KCTD3: variants seen among roughly 807,000 people sequenced by gnomAD.
The protein encoded by KCTD3 is potassium channel tetramerization domain containing 3, also known as BTB/POZ domain-containing protein KCTD3.
In KCTD3, 41 loss-of-function variants were observed where a neutral mutation model predicts 85.8. That is an observed-to-expected ratio of 0.48 (90% confidence interval 0.37 to 0.62). The LOEUF (loss-of-function observed/expected upper bound fraction) is 0.62, where lower values mean the gene tolerates loss of function less well. KCTD3 is among the 20% of genes least tolerant of loss of function. The pLI, the probability that KCTD3 is intolerant of heterozygous loss-of-function variation, is 0.00. For missense variants in KCTD3, 724 were observed against 989.9 expected, an observed-to-expected ratio of 0.73 and a Z score of 3.60; for synonymous variants, 338 against 345.4, an observed-to-expected ratio of 0.98 and a Z score of 0.24.
Position 215,601,873 on chromosome 1 carries a change from G to T in KCTD3, c.940G>T (p.Asp314Tyr). 1.3e-6 allele frequency: 2 copies of T among 1,561,560 alleles called. No individual in the cohort carries two copies. The highest frequency in any genetic ancestry group is 1.8e-6 in the Non-Finnish European group (2 of 1,135,350). Residue 314 changes from aspartate to tyrosine, a missense_variant, in exon 11 of 18, where the codon GAT becomes TAT. Around this residue, in one of 6 missense-constraint regions of KCTD3, gnomAD observed 146 missense variants for 320.3 expected, o/e 0.46. Transcript: ENST00000259154. Reference protein sequence around the residue: ...NAVTQHWQVQDVVPITSYDTA... With the variant: ...NAVTQHWQVQYVVPITSYDTA... The stretch of plus-strand genomic sequence containing the variant: ...AATACTCTCACTACATCAGGTTCAA[G>T]ATGTTGTTCCTATAACTAGTTATGA...
chr1:215,621,377 G>A lies in KCTD3; in HGVS notation c.*759G>A, dbSNP rs896235566. 1.3e-5 allele frequency: 2 copies of A among 151,992 alleles called. No individual in the cohort carries two copies. The highest frequency in any genetic ancestry group is 2.9e-5 in the Non-Finnish European group (2 of 67,960). 9.4% of individuals were successfully genotyped at this position (151,992 alleles called of 1,614,324 possible). A position where few individuals can be genotyped will look rare whatever the true frequency, so the allele number is the denominator to read the frequency against. On this transcript the variant is annotated 3_prime_UTR_variant, in exon 18 of 18. Coordinates refer to ENST00000259154, the MANE Select transcript of KCTD3 (RefSeq NM_016121.5). ...CTTTGAGTGCCCAGAAGGGAAAGCT[G>A]TACCAGTTGCTAACCTGTCTTGTTT...
intron 1 of KCTD3, among the ~76,000 whole-genome samples, chr1:215,571,833 G>A (rs1353708573): frequency 6.6e-6 from 1 of 152,086 alleles, no homozygotes; most frequent in African/African-American, 2.4e-5. Context: ...GGGTTTCACC[G>A]TGTTAGCCAG....
chr1:215,583,705 GTTTC>G (rs1659909581), intron 8 of KCTD3, among the ~76,000 whole-genome samples: 23 of 152,264 alleles, frequency 1.5e-4, no homozygotes, highest in Middle Eastern at 3.4e-3. Context: ...AATCCTAAGG[GTTTC>G]AGAGGGAGGA....
At chr1:215,572,522 A>C (rs76797300) in intron 1 of KCTD3, among the ~76,000 whole-genome samples, 2,342 of 152,288 alleles carry the variant, frequency 0.015, 72 homozygotes, top group African/African-American at 0.053. Flanking sequence ...CCTGGCCTGC[A>C]ATCCAGTGCT....
chr1:215,573,750 T>A, intron 1 of KCTD3, 36 bp from the exon 2 acceptor site: 1 of 1,276,350 alleles, frequency 7.8e-7, no homozygotes, highest in Non-Finnish European at 1.1e-6. Context: ...TCAAATCATG[T>A]TCTCACTTAT....
chr1:215,593,101 G>T (rs1558236345), intron 9 of KCTD3, among the ~76,000 whole-genome samples: 2 of 152,160 alleles, frequency 1.3e-5, no homozygotes, highest in Non-Finnish European at 2.9e-5. Flanking sequence ...GTTCTAAAAA[G>T]ACATGTTCAC....
At chr1:215,606,040 A>C (rs1378769095) in intron 13 of KCTD3, among the ~76,000 whole-genome samples, 2 of 152,162 alleles carry the variant, frequency 1.3e-5, no homozygotes, top group Non-Finnish European at 2.9e-5. Context: ...CATAGCCTGT[A>C]TGGCTTTTCT....
At chr1:215,603,121 C>T (rs1253588123) in intron 12 of KCTD3, among the ~76,000 whole-genome samples, 1 of 151,954 alleles carries the variant, frequency 6.6e-6, no homozygotes, top group African/African-American at 2.4e-5. Context: ...GGAAAGTGTA[C>T]CAACCCCTGC....
intron 14 of KCTD3, 77 bp downstream of exon 14, chr1:215,608,249 C>T (rs1178996671): frequency 3.3e-6 from 3 of 902,230 alleles, no homozygotes; most frequent in East Asian, 2.9e-5. Flanking sequence ...AATAAAACCA[C>T]AAAAATGAGT....
At chr1:215,606,241 G>A (rs926517089) in intron 13 of KCTD3, among the ~76,000 whole-genome samples, 5 of 152,064 alleles carry the variant, frequency 3.3e-5, no homozygotes, top group African/African-American at 9.7e-5. Context: ...TTCTGGTGCC[G>A]TTTCAAAGCC....
At position 215,620,520 on chromosome 1, in the gene KCTD3, A is replaced by T; in HGVS notation, c.2350A>T (p.Thr784Ser). The T allele has an allele frequency of 6.2e-7, 1 of 1,613,796 alleles. No individual in the cohort carries two copies. The highest frequency in any genetic ancestry group is 8.5e-7 in the Non-Finnish European group (1 of 1,179,738). The change falls in exon 18 of 18, where the codon ACT becomes TCT. Residue 784 changes from threonine (T) to serine (S), a missense_variant. Thr to Ser is a moderately conservative substitution (Grantham distance 58, BLOSUM62 1). Around this residue, in one of 6 missense-constraint regions of KCTD3, gnomAD observed 222 missense variants for 217.7 expected, o/e 1.02. Transcript: ENST00000259154. ...ATCACCAAGTACTTCCGATGGAGGA[A>T]CTGACTCACCTGGTACTGCGTCCCC... The part of the protein sequence containing the change: ...ASSPSTSDGG[T>S]DSPGTASPSP...
rs752572246 is a variant in KCTD3, at chr1:215,595,456, C to T, written c.918C>T (p.Val306=). Reference sequence around the variant, plus strand: ...GGAAAGTGGGAGTGTGGAATGCTGTCACTCAGCACTGGCAGGTTAGTTTAA... The same window carrying T: ...GGAAAGTGGGAGTGTGGAATGCTGTTACTCAGCACTGGCAGGTTAGTTTAA... The part of the protein sequence containing the change: ...HTGKVGVWNA[V]TQHWQVQDVV... Residue 306 remains valine (V), a synonymous_variant, in exon 10 of 18, where the codon GTC becomes GTT. Coordinates refer to ENST00000259154, the MANE Select transcript of KCTD3 (RefSeq NM_016121.5). 1.9e-5 allele frequency: 31 copies of T among 1,600,100 alleles called. No homozygotes were observed. Among genetic ancestry groups the T allele is most frequent in the Non-Finnish European group, 2.4e-5 (28 of 1,167,520 alleles).
chr1:215,608,861 G>T (rs535028863), intron 14 of KCTD3, among the ~76,000 whole-genome samples: 8 of 152,058 alleles, frequency 5.3e-5, no homozygotes, highest in African/African-American at 1.9e-4. Context: ...AATATGCAGT[G>T]TTACCAGTTT....
chr1:215,621,148 T>A lies in KCTD3; in HGVS notation c.*530T>A, dbSNP rs1655672846. The A allele has an allele frequency of 6.5e-6, 1 of 153,120 alleles. No individual in the cohort carries two copies. Among genetic ancestry groups the A allele is most frequent in the Admixed American group, 6.5e-5 (1 of 15,276 alleles). The allele number at this position is 153,120 out of a possible 1,614,324, so 9.5% of individuals were successfully genotyped here. On this transcript the variant is annotated 3_prime_UTR_variant, in exon 18 of 18. Transcript: ENST00000259154. ...TGTAATTCAAAAACACTATTGATAT[T>A]GAATACCAGATACCACTATGTAGTA... is the stretch of plus-strand genomic sequence containing the variant.
In KCTD3 at chr1:215,567,571, GGCC is replaced by G; in HGVS notation, c.-105_-103del. ...AAGCCCCGTGCACCCCCCGCCCTCC[GGCC>G]GCCGCCGCCCCGCTGGCCCTGCAGC... On this transcript the variant is annotated 5_prime_UTR_variant, in exon 1 of 18. Transcript: ENST00000259154. The G allele has an allele frequency of 1.7e-5, 8 of 463,126 alleles. No individual in the cohort carries two copies. The highest frequency in any genetic ancestry group is 5.3e-5 in the East Asian group (1 of 18,946). 28.7% of individuals were successfully genotyped at this position (463,126 alleles called of 1,614,324 possible). A position where few individuals can be genotyped will look rare whatever the true frequency, so the allele number is the denominator to read the frequency against.
At position 215,575,895 on chromosome 1, in the gene KCTD3, T is replaced by C; in HGVS notation, c.184-6T>C. 1 of 1,493,644 alleles carries C rather than the reference T, an allele frequency of 6.7e-7. No homozygotes were observed. The highest frequency in any genetic ancestry group is 2.3e-5 in the East Asian group (1 of 43,488). 92.5% of individuals were successfully genotyped at this position (1,493,644 alleles called of 1,614,324 possible). A position where few individuals can be genotyped will look rare whatever the true frequency, so the allele number is the denominator to read the frequency against. On this transcript the variant is annotated splice_region_variant and splice_polypyrimidine_tract_variant and intron_variant, in intron 3 of 17. Coordinates refer to ENST00000259154, the MANE Select transcript of KCTD3 (RefSeq NM_016121.5). The stretch of plus-strand genomic sequence containing the variant: ...TTTGAAAATAAAACTGTTCTCTTTT[T>C]TACAGATATTTATTGATAGAGATCC...
chr1:215,579,583 C>G (rs995374302), intron 7 of KCTD3, among the ~76,000 whole-genome samples: 2 of 151,764 alleles, frequency 1.3e-5, no homozygotes, highest in Non-Finnish European at 2.9e-5. Flanking sequence ...ACTGCAAGCT[C>G]TGCCTCCTGG....
intron 10 of KCTD3, among the ~76,000 whole-genome samples, chr1:215,601,584 AAAGAG>A (rs1267482080): frequency 6.6e-6 from 1 of 152,184 alleles, no homozygotes; most frequent in Non-Finnish European, 1.5e-5. Context: ...ACATGCAAAA[AAAGAG>A]GAGACAACCA....
At chr1:215,578,932 C>T in intron 6 of KCTD3, 68 bp from the exon 7 acceptor site, 1 of 1,095,312 alleles carries the variant, frequency 9.1e-7, no homozygotes, top group Non-Finnish European at 1.3e-6. Flanking sequence ...TTCTTTGTCA[C>T]AATGTGATAT....
Sources: allele counts gnomAD v4.1 joint callset (sites outside exome capture counted in the v4.1 genomes callset), GRCh38; gene constraint gnomAD v4.1.1; regional missense constraint gnomAD v4.1.1; transcripts MANE v1.5; gene names NCBI Gene and HGNC (gene_info 2026-07-23, HGNC 2026-07-21).